NT5DC3: variants seen among roughly 807,000 people sequenced by gnomAD.
NT5DC3 encodes 5'-nucleotidase domain containing 3.
Under a neutral mutation model 67.8 loss-of-function variants are expected in NT5DC3, and 42 were observed. That is an observed-to-expected ratio of 0.62 (90% CI 0.48 to 0.80). The LOEUF is 0.80. Ranked by LOEUF, NT5DC3 falls within the 30% of genes least tolerant of loss-of-function variation. The probability of loss-of-function intolerance (pLI) is 0.00; values close to 1 mark genes in which losing one functional copy is unlikely to be tolerated. For synonymous variants in NT5DC3, 237 were observed against 255.6 expected (o/e 0.93, Z 0.69); for missense variants, 570 against 696.4 (o/e 0.82, Z 2.04).
intron 2 of NT5DC3, among the ~76,000 whole-genome samples, chr12:103,814,235 G>A (rs992928908): frequency 1.1e-4 from 17 of 152,228 alleles, no homozygotes; most frequent in African/African-American, 3.9e-4. Flanking sequence ...AAGAAAAGAG[G>A]TCAATGGTAA....
At chr12:103,834,854 G>A (rs1888078369) in intron 1 of NT5DC3, among the ~76,000 whole-genome samples, 1 of 152,144 alleles carries the variant, frequency 6.6e-6, no homozygotes, top group Non-Finnish European at 1.5e-5. Flanking sequence ...CAGATCAAGT[G>A]GCCAGAAAGA....
intron 13 of NT5DC3, among the ~76,000 whole-genome samples, chr12:103,779,587 ACAC>A (rs1226144983): frequency 1.3e-5 from 2 of 152,096 alleles, no homozygotes; most frequent in African/African-American, 2.4e-5. Context: ...CCACCCACGC[ACAC>A]CACCACATGA....
chr12:103,751,686 T>C, the NT5DC3 span, among the ~76,000 whole-genome samples: 5 of 152,228 alleles, frequency 3.3e-5, no homozygotes, highest in Non-Finnish European at 7.3e-5. Flanking sequence ...CAAGAAGAGC[T>C]TGGCTTTTTC....
intron 9 of NT5DC3, 153 bp from the exon 10 acceptor site, chr12:103,789,072 A>T: frequency 1.6e-6 from 1 of 626,366 alleles, no homozygotes; most frequent in Non-Finnish European, 2.9e-6. Flanking sequence ...CCCTGGCCTA[A>T]TTCAATGCGT....
At chr12:103,760,716 C>G in the NT5DC3 span, among the ~76,000 whole-genome samples, 1 of 152,170 alleles carries the variant, frequency 6.6e-6, no homozygotes, top group East Asian at 1.9e-4. Context: ...TAGTGCCTGA[C>G]AGGTAGCAAG....
intron 1 of NT5DC3, among the ~76,000 whole-genome samples, chr12:103,834,291 T>C (rs936870266): frequency 1.3e-5 from 2 of 152,128 alleles, no homozygotes; most frequent in African/African-American, 4.8e-5. Context: ...CTGAGTTTGA[T>C]ACAGGATGCA....
At chr12:103,778,564 T>C (rs1189180573) in intron 13 of NT5DC3, among the ~76,000 whole-genome samples, 1 of 150,592 alleles carries the variant, frequency 6.6e-6, no homozygotes, top group Non-Finnish European at 1.5e-5. Context: ...AAAAAAACAG[T>C]CTGGCCTGGG....
intron 1 of NT5DC3, among the ~76,000 whole-genome samples, chr12:103,815,994 C>T (rs56314567): frequency 0.1 from 15,480 of 152,132 alleles, 1,137 homozygotes; most frequent in East Asian, 0.3. Context: ...TGCCAACATT[C>T]TTCTATGTAT....
intron 11 of NT5DC3, among the ~76,000 whole-genome samples, chr12:103,786,834 T>C (rs1408289632): frequency 3.3e-5 from 5 of 151,980 alleles, no homozygotes; most frequent in Non-Finnish European, 7.4e-5. Flanking sequence ...AGGCGTGTGC[T>C]ACCACGCCCA....
intron 1 of NT5DC3, among the ~76,000 whole-genome samples, chr12:103,829,388 T>C (rs953912287): frequency 1.3e-5 from 2 of 152,222 alleles, no homozygotes; most frequent in Admixed American, 1.3e-4. Flanking sequence ...TTTGCAACCT[T>C]TCTTATAGTA....
At chr12:103,836,291 T>C (rs1350894418) in intron 1 of NT5DC3, among the ~76,000 whole-genome samples, 1 of 152,172 alleles carries the variant, frequency 6.6e-6, no homozygotes, top group Admixed American at 6.5e-5. Context: ...CAGTCCAAAG[T>C]CTCATCTAAG....
rs1165235416 is a variant in NT5DC3 at position 103,776,676 on chromosome 12, A to C, written c.*1153T>G. The C allele has an allele frequency of 1.6e-5, 1 of 63,336 alleles. No individual in the cohort carries two copies. The highest frequency in any genetic ancestry group is 6.0e-4 in the East Asian group (1 of 1,656). The allele number at this position is 63,336 out of a possible 1,614,324, so 3.9% of individuals were successfully genotyped here. A position where few individuals can be genotyped will look rare whatever the true frequency, so the allele number is the denominator to read the frequency against. Reference sequence around the variant, plus strand: ...ATCTAAAAAAAAACAAAACAAAACAAAAAAAAAAAAAACAAACTACACAAA... The same window carrying C: ...ATCTAAAAAAAAACAAAACAAAACACAAAAAAAAAAAACAAACTACACAAA... On this transcript the variant is annotated 3_prime_UTR_variant, in exon 14 of 14. Coordinates refer to ENST00000392876, the MANE Select transcript of NT5DC3 (RefSeq NM_001031701.3).
chr12:103,821,671 G>A (rs754334868), intron 1 of NT5DC3, among the ~76,000 whole-genome samples: 3 of 152,158 alleles, frequency 2.0e-5, no homozygotes, highest in Non-Finnish European at 2.9e-5. Context: ...GATGTCAACG[G>A]GAAAGAGTTA....
Position 103,841,124 on chromosome 12 carries a change from G to A in NT5DC3, c.33C>T (p.Arg11=), listed in dbSNP as rs1406845670. 2 of 967,324 alleles carry A rather than the reference G, an allele frequency of 2.1e-6. No individual in the cohort carries two copies. The highest frequency in any genetic ancestry group is 1.4e-6 in the Non-Finnish European group (1 of 728,768). The allele number at this position is 967,324 out of a possible 1,614,324, so 59.9% of individuals were successfully genotyped here. Residue 11 remains arginine, a synonymous_variant, in exon 1 of 14, where the codon CGC becomes CGT. Coordinates refer to ENST00000392876, the MANE Select transcript of NT5DC3 (RefSeq NM_001031701.3). MTMAAAAVVA[R]GAGARAATAA... ...CTGTCGCTGCCCTCGCCCCGGCCCC[G>A]CGTGCCACCACCGCCGCCGCTGCCA...
intron 10 of NT5DC3, 50 bp from the exon 11 acceptor site, chr12:103,787,577 C>T: frequency 9.6e-7 from 1 of 1,039,056 alleles, no homozygotes; most frequent in Non-Finnish European, 1.4e-6. Context: ...AGAGATCTGT[C>T]TAACCCACAG....
the NT5DC3 span, chr12:103,759,037 C>G: frequency 6.3e-7 from 1 of 1,596,312 alleles, no homozygotes; most frequent in Non-Finnish European, 8.6e-7. Flanking sequence ...AAAGCCTAGG[C>G]CATGAGAAGC....
the NT5DC3 span, among the ~76,000 whole-genome samples, chr12:103,752,791 C>T: frequency 6.6e-5 from 10 of 152,090 alleles, no homozygotes; most frequent in African/African-American, 2.4e-4. Context: ...ATGAAAACTA[C>T]ATCGGCAGTA....
At chr12:103,756,648 G>A in the NT5DC3 span, among the ~76,000 whole-genome samples, 1 of 152,112 alleles carries the variant, frequency 6.6e-6, no homozygotes, top group African/African-American at 2.4e-5. Context: ...TCATGCTTTC[G>A]AGTACGGAAC....
chr12:103,791,932 T>C (rs1317282788), intron 9 of NT5DC3, among the ~76,000 whole-genome samples: 3 of 152,114 alleles, frequency 2.0e-5, no homozygotes, highest in Admixed American at 1.3e-4. Flanking sequence ...GCTGGAAAAA[T>C]TGTCGTCCAT....
Sources: allele counts gnomAD v4.1 joint callset (sites outside exome capture counted in the v4.1 genomes callset), GRCh38; gene constraint gnomAD v4.1.1; transcripts MANE v1.5; gene names NCBI Gene and HGNC (gene_info 2026-07-23, HGNC 2026-07-21).